The following ABR variants were observed in gnomAD, a reference collection of about 807,000 sequenced individuals.
The protein encoded by ABR is ABR activator of RhoGEF and GTPase, also known as active breakpoint cluster region-related protein.
Under a neutral mutation model 107.2 loss-of-function variants are expected in ABR, and 35 were observed. That is an observed-to-expected ratio of 0.33 (90% CI 0.25 to 0.43). ABR has a LOEUF of 0.43. Ranked by LOEUF, ABR falls within the 20% of genes least tolerant of loss-of-function variation. The probability of loss-of-function intolerance (pLI) is 1.00; values close to 1 mark genes in which losing one functional copy is unlikely to be tolerated. For missense variants in ABR, 815 were observed against 1,115.2 expected, an observed-to-expected ratio of 0.73 and a Z score of 3.83; for synonymous variants, 498 against 462.0, an observed-to-expected ratio of 1.08 and a Z score of -1.00.
intron 3 of ABR, among the ~76,000 whole-genome samples, chr17:1,093,007 G>C (rs1053397319): frequency 9.9e-5 from 15 of 151,780 alleles, no homozygotes; most frequent in African/African-American, 3.1e-4. Context: ...ATTTTTAGTA[G>C]AGACGGGGTT....
intron 1 of ABR, among the ~76,000 whole-genome samples, chr17:1,151,919 C>A (rs2040809588): frequency 6.6e-6 from 1 of 151,950 alleles, no homozygotes; most frequent in East Asian, 2.0e-4. Flanking sequence ...CTTTGAGAGG[C>A]CGAAGCAGGT....
rs1053349102 is a variant in ABR at position 1,071,792 on chromosome 17, G to A, written c.894+822C>T. On this transcript the variant is annotated intron_variant, in intron 8 of 22. Coordinates refer to ENST00000302538, the MANE Select transcript of ABR (RefSeq NM_021962.5). This position sits in a 1 kb window ranked among gnomAD's most constrained non-coding sequence, Gnocchi z 5.1. The stretch of plus-strand genomic sequence containing the variant: ...GGCACCCGGAGGCCACTTCCCCGGC[G>A]TGGGCCTCCAGACAGTCCCAGGTGA... 9.2e-5 allele frequency among the ~76,000 whole-genome samples: 14 copies of A among 152,274 alleles called. No individual in the cohort carries two copies. Among genetic ancestry groups the A allele is most frequent in the South Asian group, 2.1e-4 (1 of 4,836 alleles).
At chr17:1,009,833 C>T (rs2070382328) in intron 20 of ABR, 49 bp from the exon 21 acceptor site, 2 of 1,532,936 alleles carry the variant, frequency 1.3e-6, no homozygotes, top group Admixed American at 3.3e-5. Context: ...GGGCTCCCCG[C>T]CAGGGCCCCT....
chr17:1,152,014 G>A (rs1695074156), intron 1 of ABR, among the ~76,000 whole-genome samples: 1 of 149,854 alleles, frequency 6.7e-6, no homozygotes, highest in East Asian at 1.9e-4. Flanking sequence ...AGTTAGCCAG[G>A]CGTGGTGGTG....
At position 1,075,686 on chromosome 17, in the gene ABR, T is replaced by C. The variant is rs915325914; in HGVS notation, c.701-2009A>G. Reference sequence around the variant, plus strand: ...CTTCTTTACTGATTTGAATGTATAATAATGGTTGAAAACCACTGCTTTATG... The same window carrying C: ...CTTCTTTACTGATTTGAATGTATAACAATGGTTGAAAACCACTGCTTTATG... On this transcript the variant is annotated intron_variant, in intron 6 of 22. Coordinates refer to ENST00000302538, the MANE Select transcript of ABR (RefSeq NM_021962.5). 3.2e-4 allele frequency among the ~76,000 whole-genome samples: 48 copies of C among 152,258 alleles called. 1 individual carries two copies. The highest frequency in any genetic ancestry group is 1.1e-3 in the African/African-American group (44 of 41,464).
intron 1 of ABR, among the ~76,000 whole-genome samples, chr17:1,139,678 G>A (rs1414970290): frequency 6.6e-5 from 10 of 152,240 alleles, no homozygotes; most frequent in South Asian, 2.1e-4. Context: ...AAATGAAAGC[G>A]CAGGGAGTTA....
intron 2 of ABR, among the ~76,000 whole-genome samples, chr17:1,123,583 A>G (rs1597898226): frequency 6.6e-6 from 1 of 152,322 alleles, no homozygotes; most frequent in East Asian, 1.9e-4. Context: ...GACAGGGAGC[A>G]AAGAGGGAGG....
intron 13 of ABR, among the ~76,000 whole-genome samples, 163 bp downstream of exon 13, chr17:1,056,835 T>C (rs2033333985): frequency 1.3e-5 from 2 of 152,124 alleles, no homozygotes; most frequent in Admixed American, 1.3e-4. Context: ...CAGTAGACAG[T>C]CACCCCTACC....
rs33922708 is a variant in ABR, at chr17:1,113,278, ATT to A, written c.246+11903_246+11904del. Among the ~76,000 whole-genome samples, 920 of 103,952 alleles carry A rather than the reference ATT, an allele frequency of 8.9e-3. 6 individuals carry two copies. The highest frequency in any genetic ancestry group is 0.017 in the African/African-American group (454 of 26,526). The allele number at this position is 103,952 out of a possible 152,430, so 68.2% of individuals were successfully genotyped here. The stretch of plus-strand genomic sequence containing the variant: ...GGATAACATGGAAACACCTATTGCG[ATT>A]TTTTTTTTTTTTTTTTTTTTTTTTG... On this transcript the variant is annotated intron_variant, in intron 2 of 22. Coordinates refer to ENST00000302538, the MANE Select transcript of ABR (RefSeq NM_021962.5).
chr17:1,119,828 C>T (rs2039265268), intron 2 of ABR, among the ~76,000 whole-genome samples: 1 of 152,180 alleles, frequency 6.6e-6, no homozygotes, highest in Non-Finnish European at 1.5e-5. Flanking sequence ...ATCATAGAAA[C>T]CCAAGTTTCA....
chr17:1,217,259 G>A (rs1003227458), intron 1 of ABR, among the ~76,000 whole-genome samples: 4 of 152,288 alleles, frequency 2.6e-5, no homozygotes, highest in South Asian at 2.1e-4. Flanking sequence ...GGCTGCAGCC[G>A]TGACGCGTCT....
chr17:1,135,384 T>C (rs1597934262), intron 1 of ABR, among the ~76,000 whole-genome samples: 1 of 150,424 alleles, frequency 6.6e-6, no homozygotes. Context: ...TGTCTTTTTT[T>C]TTTTTTTTTG....
At chr17:1,217,194 C>T (rs984650945) in intron 1 of ABR, among the ~76,000 whole-genome samples, 1 of 152,176 alleles carries the variant, frequency 6.6e-6, no homozygotes, top group African/African-American at 2.4e-5. Context: ...AGGCTTTCTC[C>T]GTAATAGGAC....
Position 1,127,636 on chromosome 17 carries a change from C to G in ABR, c.62-2269G>C, listed in dbSNP as rs566158209. 2.6e-5 allele frequency among the ~76,000 whole-genome samples: 4 copies of G among 152,328 alleles called. 1 individual carries two copies. In the East Asian group the frequency reaches 7.7e-4, roughly 29 times the overall value. ...AGGCTCCAGGCTGCCCTGTTGGTGC[C>G]TGGAGTCCAGGGAAAATAAGCAATA... On this transcript the variant is annotated intron_variant, in intron 1 of 22. Coordinates refer to ENST00000302538, the MANE Select transcript of ABR (RefSeq NM_021962.5).
intron 20 of ABR, 191 bp from the exon 21 acceptor site, chr17:1,009,975 C>T (rs1024699503): frequency 3.8e-5 from 23 of 604,808 alleles, no homozygotes; most frequent in Admixed American, 3.2e-4. Context: ...GGCCCCACCA[C>T]GACTGGTAAC....
chr17:1,189,678 T>C (rs2042390990), upstream of ABR, among the ~76,000 whole-genome samples: 1 of 91,490 alleles, frequency 1.1e-5, no homozygotes, highest in Non-Finnish European at 3.1e-5. Flanking sequence ...ACTCCTACTC[T>C]CCCTTCTGGT....
chr17:1,166,261 G>T (rs1188064151), intron 1 of ABR, among the ~76,000 whole-genome samples: 1 of 152,056 alleles, frequency 6.6e-6, no homozygotes, highest in Non-Finnish European at 1.5e-5. Context: ...AGCAGGGACG[G>T]GGGCAGGCTG....
At chr17:1,207,023 G>T (rs2150732292) in intron 1 of ABR, among the ~76,000 whole-genome samples, 1 of 152,170 alleles carries the variant, frequency 6.6e-6, no homozygotes. Context: ...GGTGGAGGTG[G>T]CAGTGAGCTG....
At chr17:1,185,779 T>G (rs2042276267) in intron 1 of ABR, among the ~76,000 whole-genome samples, 1 of 152,062 alleles carries the variant, frequency 6.6e-6, no homozygotes, top group Non-Finnish European at 1.5e-5. Flanking sequence ...GGTGGCCTGT[T>G]TTCCGTGCTT....
Sources: gnomAD v4.1 joint callset for allele counts (sites outside exome capture counted in the v4.1 genomes callset) on GRCh38, gnomAD v4.1.1 for gene constraint, Gnocchi (gnomAD v3.1) non-coding constraint, MANE v1.5 for transcripts, NCBI Gene and HGNC (gene_info 2026-07-23, HGNC 2026-07-21) for gene names.